Variants in RGPD1 observed in about 807,000 individuals in gnomAD.
RGPD1 encodes RANBP2-like and GRIP domain-containing protein 1.
Under a neutral mutation model 40.6 loss-of-function variants are expected in RGPD1, and 7 were observed. The observed-to-expected ratio is 0.17, with a 90% confidence interval of 0.10 to 0.32. RGPD1 has a LOEUF of 0.32. RGPD1 is among the 10% of genes least tolerant of loss of function. The pLI, the probability that RGPD1 is intolerant of heterozygous loss-of-function variation, is 1.00. For missense variants in RGPD1, 50 were observed against 472.5 expected (o/e 0.11, Z 8.29); for synonymous variants, 24 against 167.0 (o/e 0.14, Z 6.60).
At chr2:86,930,375 T>C (rs1368461371) in intron 1 of RGPD1, 13 of 1,304,614 alleles carry the variant, frequency 1.0e-5, no homozygotes, top group Non-Finnish European at 1.4e-5. Context: ...CACATCCTCG[T>C]AGGCTGGGGG....
At chr2:86,941,532 A>G (rs1679749072), upstream of RGPD1, among the ~76,000 whole-genome samples, 1 of 148,750 alleles carries the variant, frequency 6.7e-6, no homozygotes. Context: ...GGCTTGAGCC[A>G]CTGTGCCAGG....
At chr2:86,914,618 G>A (rs1175027031) in intron 1 of RGPD1, among the ~76,000 whole-genome samples, 3 of 71,656 alleles carry the variant, frequency 4.2e-5, no homozygotes, top group African/African-American at 1.7e-4. Flanking sequence ...CCGGGCGGCG[G>A]CGGCGGCGGC....
At chr2:86,944,036 C>G (rs140060883) in intron 1 of RGPD1, among the ~76,000 whole-genome samples, 1 of 151,566 alleles carries the variant, frequency 6.6e-6, no homozygotes, top group East Asian at 1.9e-4. Flanking sequence ...AACCAAAAAA[C>G]GGAAACTCAA....
Position 86,923,081 on chromosome 2 carries a change from C to T in RGPD1, c.72+9160C>T, listed in dbSNP as rs191485712. ...GAGACGGAGTATCGTTCTTGTTGCCCGGGATGGAGTGCAGTGGCACGATCT... is the reference window on the plus strand; with the variant it reads ...GAGACGGAGTATCGTTCTTGTTGCCTGGGATGGAGTGCAGTGGCACGATCT... On this transcript the variant is annotated intron_variant, in intron 1 of 22. Transcript: ENST00000398193. Among the ~76,000 whole-genome samples the T allele has an allele frequency of 3.8e-3, 522 of 139,142 alleles. 3 individuals carry two copies. The highest frequency in any genetic ancestry group is 0.014 in the African/African-American group (491 of 36,098). 91.3% of individuals were successfully genotyped at this position (139,142 alleles called of 152,430 possible). A position where few individuals can be genotyped will look rare whatever the true frequency, so the allele number is the denominator to read the frequency against.
chr2:86,929,317 A>G (rs1678730957), intron 1 of RGPD1, among the ~76,000 whole-genome samples: 1 of 151,104 alleles, frequency 6.6e-6, no homozygotes, highest in African/African-American at 2.4e-5. Flanking sequence ...AGGTCATGCC[A>G]TCAGTTCAGA....
At chr2:86,930,395 G>C (rs993075300) in intron 1 of RGPD1, 20 of 1,365,744 alleles carry the variant, frequency 1.5e-5, no homozygotes, top group Non-Finnish European at 2.1e-5. Flanking sequence ...GCTTGAAGGT[G>C]CTGAGGAGGC....
At chr2:86,925,203 T>C (rs1678391511) in intron 1 of RGPD1, among the ~76,000 whole-genome samples, 1 of 151,560 alleles carries the variant, frequency 6.6e-6, no homozygotes, top group Admixed American at 6.6e-5. Flanking sequence ...AGAATGTGGC[T>C]TTAACAGTGT....
At chr2:86,930,088 G>C (rs1417912643) in intron 1 of RGPD1, among the ~76,000 whole-genome samples, 1 of 142,238 alleles carries the variant, frequency 7.0e-6, no homozygotes, top group African/African-American at 2.5e-5. Flanking sequence ...GGCAGGACAA[G>C]GGCAGAGCTT....
Position 86,951,285 on chromosome 2 carries a change from A to AT in RGPD1, c.73-3dup, listed in dbSNP as rs777391731. On this transcript the variant is annotated splice_polypyrimidine_tract_variant and intron_variant, in intron 1 of 22. Coordinates refer to ENST00000641458, the MANE Select transcript of RGPD1 (RefSeq NM_001382344.1). ...TGTATGAAACGTAAAACAACTTTTA[A>AT]TTTTTTTTAGAAGTTGAGAGGATTC... 55 of 834,842 alleles carry AT rather than the reference A, an allele frequency of 6.6e-5. No individual in the cohort carries two copies. The highest frequency in any genetic ancestry group is 6.8e-5 in the Non-Finnish European group (44 of 643,148). The allele number at this position is 834,842 out of a possible 1,614,324, so 51.7% of individuals were successfully genotyped here.
chr2:86,932,921 GTAGGACATTA>G (rs1320173626), intron 1 of RGPD1, among the ~76,000 whole-genome samples: 2 of 134,206 alleles, frequency 1.5e-5, no homozygotes, highest in Non-Finnish European at 3.3e-5. Flanking sequence ...TATTTTAAGA[GTAGGACATTA>G]TAGTGCAGTA....
At chr2:86,930,643 A>C in intron 1 of RGPD1, 2 of 1,611,536 alleles carry the variant, frequency 1.2e-6, no homozygotes, top group Non-Finnish European at 1.7e-6. Context: ...ACACTCTCAC[A>C]GAGGTAGGGC....
At chr2:86,925,957 A>G (rs1347143964) in intron 1 of RGPD1, among the ~76,000 whole-genome samples, 1 of 152,106 alleles carries the variant, frequency 6.6e-6, no homozygotes, top group Non-Finnish European at 1.5e-5. Context: ...TTTCCTTTAA[A>G]TATTTTCACA....
At chr2:86,930,687 T>C in intron 1 of RGPD1, 1 of 1,608,646 alleles carries the variant, frequency 6.2e-7, no homozygotes, top group Non-Finnish European at 8.5e-7. Context: ...CTCTCGAAGC[T>C]GCTGTTGCGG....
At chr2:86,943,271 T>C (rs1680054125) in intron 1 of RGPD1, among the ~76,000 whole-genome samples, 1 of 128,450 alleles carries the variant, frequency 7.8e-6, no homozygotes, top group Admixed American at 7.5e-5. Context: ...CTCACCTCCC[T>C]CGCCCCCCCC....
At chr2:86,925,587 C>G (rs1678424495) in intron 1 of RGPD1, among the ~76,000 whole-genome samples, 1 of 152,210 alleles carries the variant, frequency 6.6e-6, no homozygotes, top group East Asian at 1.9e-4. Context: ...CTTTTTATAA[C>G]ATTTTCAAAA....
chr2:86,944,848 C>T (rs1233550633), intron 1 of RGPD1, among the ~76,000 whole-genome samples: 4 of 152,132 alleles, frequency 2.6e-5, no homozygotes, highest in African/African-American at 4.8e-5. Context: ...GCTGAGACTA[C>T]AGGCATGCCA....
At chr2:87,007,190 T>TTTGTTG (rs201108203) in intron 22 of RGPD1, among the ~76,000 whole-genome samples, 191 of 70,308 alleles carry the variant, frequency 2.7e-3, no homozygotes, top group East Asian at 0.012. Flanking sequence ...TTAATTTGTT[T>TTTGTTG]TTGTTGTTGT....
At chr2:86,978,078 T>G in intron 17 of RGPD1, 147 bp downstream of exon 17, 1 of 1,274,344 alleles carries the variant, frequency 7.8e-7, no homozygotes, top group Non-Finnish European at 1.1e-6. Flanking sequence ...TTTTTTTTTT[T>G]TTTTTTAAGG....
chr2:86,954,824 C>T (rs946527781), intron 4 of RGPD1, among the ~76,000 whole-genome samples: 3 of 144,874 alleles, frequency 2.1e-5, no homozygotes, highest in African/African-American at 7.6e-5. Context: ...TGTCAAGATA[C>T]AGAGCTACTC....
Sources: gnomAD v4.1 joint callset for allele counts (sites outside exome capture counted in the v4.1 genomes callset) on GRCh38, gnomAD v4.1.1 for gene constraint, MANE v1.5 for transcripts, NCBI Gene and HGNC (gene_info 2026-07-23, HGNC 2026-07-21) for gene names.